Variants in SLC48A1 observed in about 807,000 individuals in gnomAD.
SLC48A1 encodes the protein heme transporter HRG1.
SLC48A1 carries 6 observed loss-of-function variants against 14.8 expected under a neutral mutation model. The observed-to-expected ratio is 0.41, with a 90% CI of 0.22 to 0.80. SLC48A1 has a LOEUF of 0.80. Ranked by LOEUF, SLC48A1 falls within the 30% of genes least tolerant of loss-of-function variation. SLC48A1 has a pLI of 0.34. For synonymous variants in SLC48A1, 89 were observed against 90.0 expected, an observed-to-expected ratio of 0.99 and a Z score of 0.06; for missense variants, 165 against 204.8, an observed-to-expected ratio of 0.81 and a Z score of 1.19.
At chr12:47,754,893 C>T (rs1158080313), upstream of SLC48A1, among the ~76,000 whole-genome samples, 1 of 152,204 alleles carries the variant, frequency 6.6e-6, no homozygotes, top group Non-Finnish European at 1.5e-5. Context: ...ACTAACTCCC[C>T]TGGCACCAGC....
At chr12:47,779,740 A>G (rs1287919664) in intron 2 of SLC48A1, among the ~76,000 whole-genome samples, 1 of 152,190 alleles carries the variant, frequency 6.6e-6, no homozygotes, top group Non-Finnish European at 1.5e-5. Flanking sequence ...GTTAGGAACC[A>G]GGCCACACAG....
intron 2 of SLC48A1, among the ~76,000 whole-genome samples, chr12:47,765,066 G>C (rs1475837486): frequency 2.0e-5 from 2 of 99,800 alleles, no homozygotes; most frequent in Admixed American, 2.7e-4. Flanking sequence ...AACAGAGTGA[G>C]ACTCTGTCTC....
chr12:47,780,464 G>A lies in SLC48A1; in HGVS notation c.*183G>A. On this transcript the variant is annotated 3_prime_UTR_variant, in exon 3 of 3. Coordinates refer to ENST00000442218, the MANE Select transcript of SLC48A1 (RefSeq NM_017842.3). Reference sequence around the variant, plus strand: ...CGTCCCCTTTCGAGGAAACCTGAGTGTGGTAGAGAGGGGATCCTGCCATGT... The same window carrying A: ...CGTCCCCTTTCGAGGAAACCTGAGTATGGTAGAGAGGGGATCCTGCCATGT... The A allele has an allele frequency of 1.1e-6, 1 of 929,618 alleles. No homozygotes were observed. The highest frequency in any genetic ancestry group is 1.8e-6 in the Non-Finnish European group (1 of 555,928). 57.6% of individuals were successfully genotyped at this position (929,618 alleles called of 1,614,324 possible).
At position 47,777,748 on chromosome 12, in the gene SLC48A1, A is replaced by G. The variant is rs553666188; in HGVS notation, c.137-1280A>G. ...ACACCCTTATAACCCAGCCTGAGAA[A>G]ACAGCGTAGATAAAATAGCATAGAT... is the stretch of plus-strand genomic sequence containing the variant. On this transcript the variant is annotated intron_variant, in intron 1 of 2. Transcript: ENST00000442218. The surrounding 1 kb of genome is among the most constrained non-coding windows in gnomAD (Gnocchi z 4.5). 3.7e-4 allele frequency among the ~76,000 whole-genome samples: 57 copies of G among 152,344 alleles called. No homozygotes were observed. In the South Asian group the frequency reaches 0.012, roughly 31 times the overall value.
intron 2 of SLC48A1, among the ~76,000 whole-genome samples, chr12:47,766,511 G>A (rs915146578): frequency 1.3e-5 from 2 of 152,196 alleles, no homozygotes; most frequent in Admixed American, 1.3e-4. Context: ...AAAGGTGAAA[G>A]AGAATCAGAT....
upstream of SLC48A1, chr12:47,757,956 C>T: frequency 6.4e-7 from 1 of 1,560,900 alleles, no homozygotes; most frequent in Non-Finnish European, 8.7e-7. Flanking sequence ...TTCTCAACAC[C>T]ATGTTGAGTA....
chr12:47,764,992 G>T (rs759599361), intron 2 of SLC48A1, among the ~76,000 whole-genome samples: 1 of 142,604 alleles, frequency 7.0e-6, no homozygotes, highest in African/African-American at 2.7e-5. Flanking sequence ...CAGGAGAATC[G>T]CTTAAACCTG....
At chr12:47,760,544 T>A (rs927922703) in intron 2 of SLC48A1, 1 of 284,840 alleles carries the variant, frequency 3.5e-6, no homozygotes, top group Non-Finnish European at 5.3e-6. Context: ...CTATTCTTGC[T>A]GCCCTTACTC....
chr12:47,760,816 C>T (rs890755374), intron 2 of SLC48A1, among the ~76,000 whole-genome samples: 3 of 152,178 alleles, frequency 2.0e-5, no homozygotes, highest in South Asian at 2.1e-4. Context: ...TCTGTCTCCA[C>T]GTACTCACCA....
intron 2 of SLC48A1, among the ~76,000 whole-genome samples, chr12:47,763,939 G>A (rs1460959179): frequency 1.6e-4 from 25 of 152,210 alleles, no homozygotes; most frequent in Non-Finnish European, 5.9e-5. Flanking sequence ...GGAAACAGTC[G>A]CTGAACAGAC....
rs556450508 is a variant in SLC48A1, at chr12:47,759,167, C to A, written c.-373+507C>A. The A allele has an allele frequency of 6.0e-4, 554 of 922,362 alleles. 2 individuals carry two copies. Among genetic ancestry groups the A allele is most frequent in the Non-Finnish European group, 7.0e-4 (537 of 772,592 alleles). The allele number at this position is 922,362 out of a possible 1,614,324, so 57.1% of individuals were successfully genotyped here. On this transcript the variant is annotated intron_variant, in intron 1 of 4. Transcript: ENST00000547002. ...ATCCGGCGGTGAGTGGCTGCACTGG[C>A]CGCCACGTGGCCGGGAGGAGAAATG...
intron 1 of SLC48A1, among the ~76,000 whole-genome samples, chr12:47,775,954 GA>G (rs1942743329): frequency 6.6e-6 from 1 of 152,158 alleles, no homozygotes; most frequent in South Asian, 2.1e-4. Context: ...AGTCCTGGGG[GA>G]AAACACAAAC....
upstream of SLC48A1, chr12:47,772,241 C>T (rs191879435): frequency 6.5e-6 from 1 of 154,878 alleles, no homozygotes; most frequent in East Asian, 1.9e-4. Flanking sequence ...TGGGATTTTC[C>T]CTCCAGCTCC....
intron 1 of SLC48A1, among the ~76,000 whole-genome samples, chr12:47,773,884 TG>T (rs1323310243): frequency 2.6e-5 from 4 of 152,250 alleles, no homozygotes; most frequent in Admixed American, 1.3e-4. Context: ...GCCCCTTCCC[TG>T]GGTGCTGGGT....
At chr12:47,766,602 T>C (rs556828089), upstream of SLC48A1, among the ~76,000 whole-genome samples, 1 of 152,250 alleles carries the variant, frequency 6.6e-6, no homozygotes, top group East Asian at 1.9e-4. Context: ...GCCTGGGCCC[T>C]AGCTCCTTCA....
At chr12:47,779,227 G>A (rs1164606313) in intron 2 of SLC48A1, 32 bp downstream of exon 2, 2 of 1,539,224 alleles carry the variant, frequency 1.3e-6, no homozygotes, top group Non-Finnish European at 1.8e-6. Flanking sequence ...AGAGGGCATG[G>A]GAGGGACAGC....
At position 47,758,589 on chromosome 12, in the gene SLC48A1, T is replaced by C. The variant is rs748001365; in HGVS notation, c.-444T>C. 9 of 1,613,376 alleles carry C rather than the reference T, an allele frequency of 5.6e-6. No individual in the cohort carries two copies. In the Admixed American group the frequency reaches 1.5e-4, roughly 27 times the overall value. The stretch of plus-strand genomic sequence containing the variant: ...TTCAAGCTCGCACAGCCGTGCAGGC[T>C]CTAGCAAAAGGCTGGGGGGTCCCCA... On this transcript the variant is annotated 5_prime_UTR_variant, in exon 1 of 5. Transcript: ENST00000547002.
upstream of SLC48A1, chr12:47,757,824 C>T (rs1461275119): frequency 3.2e-5 from 48 of 1,520,588 alleles, no homozygotes; most frequent in Non-Finnish European, 4.2e-5. Flanking sequence ...CCCTCTAGCT[C>T]TGGTACTGGC....
intron 2 of SLC48A1, among the ~76,000 whole-genome samples, chr12:47,766,224 C>T (rs1201022977): frequency 1.3e-5 from 2 of 152,184 alleles, no homozygotes; most frequent in East Asian, 3.9e-4. Flanking sequence ...TCAGTAAAGC[C>T]AGTTCTCAAA....
Sources: allele counts gnomAD v4.1 joint callset (sites outside exome capture counted in the v4.1 genomes callset), GRCh38; gene constraint gnomAD v4.1.1; non-coding constraint Gnocchi (gnomAD v3.1); transcripts MANE v1.5; gene names NCBI Gene and HGNC (gene_info 2026-07-23, HGNC 2026-07-21).